Variants in PPM1E observed in about 807,000 individuals in gnomAD.
PPM1E encodes the protein protein phosphatase 1E.
In PPM1E, 20 loss-of-function variants were observed where a neutral mutation model predicts 65.9. The ratio of observed to expected loss-of-function variants is 0.30; its 90% CI spans 0.21 to 0.44. The LOEUF (loss-of-function observed/expected upper bound fraction) is 0.44, where lower values mean the gene tolerates loss of function less well. Ranked by LOEUF, PPM1E falls within the 20% of genes least tolerant of loss-of-function variation. The pLI is 1.00. For missense variants in PPM1E, 713 were observed against 953.1 expected (o/e 0.75, Z 3.32); for synonymous variants, 352 against 374.9 (o/e 0.94, Z 0.70).
intron 1 of PPM1E, among the ~76,000 whole-genome samples, chr17:58,839,681 A>G (rs2050698089): frequency 1.3e-5 from 2 of 152,102 alleles, no homozygotes; most frequent in African/African-American, 4.8e-5. Flanking sequence ...TTTTATGTAC[A>G]CTAACATTGA....
intron 6 of PPM1E, among the ~76,000 whole-genome samples, chr17:58,976,128 G>C (rs112943880): frequency 6.6e-6 from 1 of 152,130 alleles, no homozygotes; most frequent in African/African-American, 2.4e-5. Flanking sequence ...TTTTAGATTT[G>C]AGCATGTTTG....
intron 1 of PPM1E, among the ~76,000 whole-genome samples, chr17:58,902,629 C>T (rs1443555841): frequency 6.6e-6 from 1 of 152,002 alleles, no homozygotes; most frequent in African/African-American, 2.4e-5. Flanking sequence ...TTCCTAAATC[C>T]AAATTATAAA....
intron 1 of PPM1E, among the ~76,000 whole-genome samples, chr17:58,790,529 T>G (rs1425247289): frequency 3.3e-5 from 5 of 152,168 alleles, no homozygotes; most frequent in Admixed American, 6.5e-5. Context: ...TCTGGGCTGG[T>G]CAATAGAATG....
intron 1 of PPM1E, among the ~76,000 whole-genome samples, chr17:58,892,210 C>T (rs192173825): frequency 4.1e-4 from 62 of 152,252 alleles, no homozygotes; most frequent in African/African-American, 1.4e-3. Context: ...TATACAGATT[C>T]TAAACTGCAG....
intron 5 of PPM1E, 134 bp downstream of exon 5, chr17:58,972,409 GGT>G: frequency 1.0e-6 from 1 of 983,436 alleles, no homozygotes; most frequent in East Asian, 2.7e-5. Context: ...GGAGTGCAAT[GGT>G]GTGATCTTGG....
At chr17:58,801,639 C>T (rs1197862105) in intron 1 of PPM1E, among the ~76,000 whole-genome samples, 1 of 151,872 alleles carries the variant, frequency 6.6e-6, no homozygotes, top group Non-Finnish European at 1.5e-5. Context: ...GACGGGGTTT[C>T]ACCATGTTAG....
intron 1 of PPM1E, among the ~76,000 whole-genome samples, chr17:58,881,656 A>G (rs1300067229): frequency 6.6e-6 from 1 of 151,842 alleles, no homozygotes; most frequent in African/African-American, 2.4e-5. Context: ...GTGAGATTCC[A>G]TCTCAAAAAA....
intron 1 of PPM1E, among the ~76,000 whole-genome samples, chr17:58,894,754 T>A (rs191026982): frequency 1.3e-5 from 2 of 152,304 alleles, no homozygotes; most frequent in Middle Eastern, 3.4e-3. Context: ...AATGTTTTTT[T>A]AATAATATAC....
Position 58,983,045 on chromosome 17 carries a change from C to G in PPM1E, c.*2014C>G, listed in dbSNP as rs1038733451. Reference sequence around the variant, plus strand: ...GTTGTCTATTGGTAATGTTTTTGATCAGAATAAAGAGGGTAAAGGGAAAAA... The same window carrying G: ...GTTGTCTATTGGTAATGTTTTTGATGAGAATAAAGAGGGTAAAGGGAAAAA... On this transcript the variant is annotated 3_prime_UTR_variant, in exon 7 of 7. Coordinates refer to ENST00000308249, the MANE Select transcript of PPM1E (RefSeq NM_014906.5). The G allele has an allele frequency of 3.3e-6, 3 of 919,082 alleles. No homozygotes were observed. In the African/African-American group the frequency reaches 5.1e-5, roughly 16 times the overall value. 56.9% of individuals were successfully genotyped at this position (919,082 alleles called of 1,614,324 possible). A position where few individuals can be genotyped will look rare whatever the true frequency, so the allele number is the denominator to read the frequency against.
At position 58,980,648 on chromosome 17, in the gene PPM1E, G is replaced by A. The variant is rs1401439602; in HGVS notation, c.1885G>A (p.Ala629Thr). 1 of 1,614,166 alleles carries A rather than the reference G, an allele frequency of 6.2e-7. No individual in the cohort carries two copies. Among genetic ancestry groups the A allele is most frequent in the Non-Finnish European group, 8.5e-7 (1 of 1,180,028 alleles). ...EWSGAGEFPT[A>T]FNLGSTGEQI... Reference sequence around the variant, plus strand: ...GAGTGGTGCTGGAGAGTTTCCCACTGCTTTCAATTTGGGTTCAACAGGGGA... The same window carrying A: ...GAGTGGTGCTGGAGAGTTTCCCACTACTTTCAATTTGGGTTCAACAGGGGA... The change falls in exon 7 of 7, where the codon GCT (alanine) becomes ACT (threonine). Residue 629 changes from alanine (A) to threonine (T), a missense_variant. Transcript: ENST00000308249. The surrounding 1 kb of genome is among the most constrained non-coding windows in gnomAD (Gnocchi z 4.7).
chr17:58,774,159 TC>T (rs71367625), intron 1 of PPM1E, among the ~76,000 whole-genome samples: 1,597 of 133,608 alleles, frequency 0.012, 26 homozygotes, highest in African/African-American at 0.038. Context: ...GGAAACTCTG[TC>T]CCCCCCCCCC....
At chr17:58,867,116 G>A (rs1161910211) in intron 1 of PPM1E, among the ~76,000 whole-genome samples, 3 of 152,164 alleles carry the variant, frequency 2.0e-5, no homozygotes, top group Non-Finnish European at 4.4e-5. Context: ...GAGTAGCTGG[G>A]ATTACAGGCA....
intron 1 of PPM1E, among the ~76,000 whole-genome samples, chr17:58,915,257 G>A (rs1388139618): frequency 1.3e-5 from 2 of 152,084 alleles, no homozygotes; most frequent in Non-Finnish European, 2.9e-5. Flanking sequence ...AACAAGGGGT[G>A]GATTATTCAT....
At chr17:58,924,526 G>C (rs1218668592) in intron 1 of PPM1E, among the ~76,000 whole-genome samples, 1 of 151,978 alleles carries the variant, frequency 6.6e-6, no homozygotes, top group Non-Finnish European at 1.5e-5. Context: ...ACTCTAACCT[G>C]GGCAACAGAG....
intron 1 of PPM1E, among the ~76,000 whole-genome samples, chr17:58,882,047 T>C (rs1038722445): frequency 6.7e-6 from 1 of 149,944 alleles, no homozygotes; most frequent in African/African-American, 2.5e-5. Flanking sequence ...GGCCTGTGCC[T>C]GTAGTCCCAG....
intron 1 of PPM1E, among the ~76,000 whole-genome samples, chr17:58,862,156 C>T (rs943589760): frequency 9.9e-5 from 15 of 152,128 alleles, no homozygotes; most frequent in East Asian, 1.9e-4. Context: ...CATAGGTCTG[C>T]CTGTTTCAAA....
intron 1 of PPM1E, among the ~76,000 whole-genome samples, chr17:58,762,704 C>T (rs903759339): frequency 3.8e-4 from 58 of 151,756 alleles, no homozygotes; most frequent in Admixed American, 2.0e-3. Flanking sequence ...GAGACCATCC[C>T]GGCTAAAACG....
At chr17:58,971,928 C>G (rs534790895) in intron 4 of PPM1E, among the ~76,000 whole-genome samples, 217 of 152,318 alleles carry the variant, frequency 1.4e-3, no homozygotes, top group African/African-American at 5.1e-3. Flanking sequence ...TATCACAGAT[C>G]AGGTGGACTT....
intron 1 of PPM1E, among the ~76,000 whole-genome samples, chr17:58,817,713 T>C (rs946718407): frequency 1.3e-5 from 2 of 152,222 alleles, no homozygotes; most frequent in South Asian, 4.1e-4. Context: ...ATTTTCCTTA[T>C]GTCCTAGAAA....
Sources: allele counts gnomAD v4.1 joint callset (sites outside exome capture counted in the v4.1 genomes callset), GRCh38; gene constraint gnomAD v4.1.1; non-coding constraint Gnocchi (gnomAD v3.1); transcripts MANE v1.5; gene names NCBI Gene and HGNC (gene_info 2026-07-23, HGNC 2026-07-21).